The following KLHL15 variants were observed in gnomAD, a reference collection of about 807,000 sequenced individuals.
KLHL15 encodes the protein kelch like family member 15, also known as kelch-like protein 15.
In KLHL15, 1 loss-of-function variant was observed where a neutral mutation model predicts 29.3. That is an observed-to-expected ratio of 0.03 (90% CI 0.01 to 0.16). The LOEUF is 0.16. Ranked by LOEUF, KLHL15 falls within the 10% of genes least tolerant of loss-of-function variation. The pLI, the probability that KLHL15 is intolerant of heterozygous loss-of-function variation, is 1.00. For synonymous variants in KLHL15, 212 were observed against 184.5 expected (o/e 1.15, Z -1.21); for missense variants, 215 against 478.5 (o/e 0.45, Z 5.14).
intron 2 of KLHL15, among the ~76,000 whole-genome samples, chrX:24,008,240 A>G (rs1475766870): frequency 8.9e-6 from 1 of 112,031 alleles, no homozygotes; most frequent in Non-Finnish European, 1.9e-5. Context: ...GGAATAAACT[A>G]ATTCAGTCTA....
At chrX:24,024,707 T>G (rs1929884199) in intron 2 of KLHL15, 150 bp downstream of exon 2, 4 of 294,859 alleles carry the variant, frequency 1.4e-5, no homozygotes, top group Non-Finnish European at 2.4e-5. Flanking sequence ...TTTCAAACAA[T>G]TTAAGTAAAC....
intron 2 of KLHL15, 27 bp from the exon 3 acceptor site, chrX:24,006,727 T>A (rs1929451429): frequency 9.6e-7 from 1 of 1,043,858 alleles, no homozygotes; most frequent in African/African-American, 1.9e-5. Context: ...GACAACAATG[T>A]TAAACACTTC....
intron 3 of KLHL15, 65 bp downstream of exon 3, chrX:24,005,924 C>G: frequency 3.6e-6 from 3 of 824,661 alleles, no homozygotes; most frequent in Non-Finnish European, 5.2e-6. Flanking sequence ...TGAATCTTAT[C>G]TATAAAGACA....
rs779160455 is a variant in KLHL15, at chrX:23,997,399, C to T, written c.706-8369G>A. 1.7e-3 allele frequency among the ~76,000 whole-genome samples: 193 copies of T among 110,328 alleles called. 1 individual carries two copies. Among genetic ancestry groups the T allele is most frequent in the Non-Finnish European group, 3.2e-3 (167 of 52,768 alleles). On this transcript the variant is annotated intron_variant, in intron 3 of 3. Coordinates refer to ENST00000328046, the MANE Select transcript of KLHL15 (RefSeq NM_030624.3). ...GCAGCAGTGAGCTATGATGGTGCCA[C>T]TGCACTGCAGCCTGGGCAACAAGGC...
At chrX:23,996,771 C>T (rs1426491140) in intron 3 of KLHL15, among the ~76,000 whole-genome samples, 3 of 111,844 alleles carry the variant, frequency 2.7e-5, no homozygotes, top group Admixed American at 9.5e-5. Context: ...AAACTATGTA[C>T]CCTGGTATGA....
intron 2 of KLHL15, among the ~76,000 whole-genome samples, chrX:24,008,225 A>G (rs1929494355): frequency 8.9e-6 from 1 of 112,400 alleles, no homozygotes; most frequent in Non-Finnish European, 1.9e-5. Context: ...TATCTTAAAT[A>G]CAGCGGAATA....
intron 2 of KLHL15, among the ~76,000 whole-genome samples, chrX:24,008,399 C>T (rs1250003094): frequency 4.5e-5 from 5 of 111,195 alleles, no homozygotes; most frequent in Non-Finnish European, 7.5e-5. Flanking sequence ...TGCTACACGC[C>T]CAGCTAATTT....
intron 2 of KLHL15, among the ~76,000 whole-genome samples, chrX:24,023,351 G>C (rs1295204406): frequency 6.3e-5 from 7 of 111,764 alleles, no homozygotes; most frequent in African/African-American, 2.3e-4. Flanking sequence ...CTTTGAAGTA[G>C]GCTCTTCCTT....
chrX:24,015,032 C>A (rs1929647129), intron 2 of KLHL15, among the ~76,000 whole-genome samples: 1 of 111,951 alleles, frequency 8.9e-6, no homozygotes, highest in Non-Finnish European at 1.9e-5. Flanking sequence ...CTCGTTCTCC[C>A]AGTTGCTAAG....
chrX:24,024,440 T>C (rs778814973), intron 2 of KLHL15, among the ~76,000 whole-genome samples: 12 of 112,109 alleles, frequency 1.1e-4, no homozygotes, highest in South Asian at 3.6e-4. Context: ...GTACCGACTA[T>C]ATTTCATAGA....
intron 2 of KLHL15, among the ~76,000 whole-genome samples, chrX:24,015,083 C>T (rs1423800089): frequency 8.9e-6 from 1 of 112,094 alleles, no homozygotes; most frequent in African/African-American, 3.2e-5. Flanking sequence ...GAGAACCTTA[C>T]ATTCTTAGAA....
At chrX:24,001,802 CAAAAAAAAAA>C (rs766669649) in intron 3 of KLHL15, among the ~76,000 whole-genome samples, 27 of 22,672 alleles carry the variant, frequency 1.2e-3, no homozygotes, top group Non-Finnish European at 8.4e-4. Context: ...AGACTTGACT[CAAAAAAAAAA>C]AAAAAAAAAA....
intron 2 of KLHL15, among the ~76,000 whole-genome samples, chrX:24,009,389 T>TC (rs1304090617): frequency 9.0e-6 from 1 of 110,802 alleles, no homozygotes; most frequent in Non-Finnish European, 1.9e-5. Context: ...TCCCAGCTAC[T>TC]CGGGAGGCTG....
rs1049443973 is a variant in KLHL15 at position 24,018,185 on chromosome X, G to A, written c.-8+6672C>T. Among the ~76,000 whole-genome samples, 10 of 111,948 alleles carry A rather than the reference G, an allele frequency of 8.9e-5. No homozygotes were observed. In the East Asian group the frequency reaches 2.5e-3, roughly 28 times the overall value. ...GAACTACTTTGCAATGGCAGAGACA[G>A]CCGCGGCAGCAGTAGCGTGCTCAAC... On this transcript the variant is annotated intron_variant, in intron 2 of 3. Coordinates refer to ENST00000328046, the MANE Select transcript of KLHL15 (RefSeq NM_030624.3).
At chrX:24,001,969 T>TA (rs1929332653) in intron 3 of KLHL15, among the ~76,000 whole-genome samples, 1 of 104,997 alleles carries the variant, frequency 9.5e-6, no homozygotes, top group South Asian at 4.2e-4. Context: ...CCGTCTCTAC[T>TA]AAAAATACAA....
intron 2 of KLHL15, among the ~76,000 whole-genome samples, chrX:24,016,128 C>A (rs889192212): frequency 9.2e-6 from 1 of 108,246 alleles, no homozygotes; most frequent in African/African-American, 3.4e-5. Context: ...GCGGGCAGAT[C>A]ATGAGGTCAG....
rs188233005 is a variant in KLHL15 at position 24,009,905 on chromosome X, G to A, written c.-7-3205C>T. Among the ~76,000 whole-genome samples, 386 of 97,769 alleles carry A rather than the reference G, an allele frequency of 3.9e-3. 2 individuals carry two copies. Among genetic ancestry groups the A allele is most frequent in the African/African-American group, 0.014 (369 of 26,049 alleles). The allele number at this position is 97,769 out of a possible 115,157, so 84.9% of individuals were successfully genotyped here. On this transcript the variant is annotated intron_variant, in intron 2 of 3. Transcript: ENST00000328046. Reference sequence around the variant, plus strand: ...CTTGGGAGGCTGAGGCAGGAGAATCGCTGGAACCTGGGAGACGGAGGCTGC... The same window carrying A: ...CTTGGGAGGCTGAGGCAGGAGAATCACTGGAACCTGGGAGACGGAGGCTGC...
At chrX:23,996,793 T>C (rs187600089) in intron 3 of KLHL15, among the ~76,000 whole-genome samples, 10 of 112,281 alleles carry the variant, frequency 8.9e-5, no homozygotes, top group African/African-American at 2.9e-4. Context: ...AAGTCTTTAT[T>C]TGTAAAATCT....
rs760556757 is a variant in KLHL15, at chrX:24,006,324, G to A, written c.370C>T (p.Leu124Phe). 8.3e-7 allele frequency: 1 copy of A among 1,211,629 alleles called. No homozygotes were observed. Among genetic ancestry groups the A allele is most frequent in the East Asian group, 3.0e-5 (1 of 33,873 alleles). The change falls in exon 3 of 4, where the codon CTC becomes TTC. Residue 124 changes from leucine to phenylalanine, a missense_variant. Physicochemically the swap from Leu to Phe is conservative, Grantham distance 22. Transcript: ENST00000328046. Reference sequence around the variant, plus strand: ...TTTTCTAGGCAGATCTTCGCTAAGAGAAAAGAGCAGCAGAACTTCACCACT... The same window carrying A: ...TTTTCTAGGCAGATCTTCGCTAAGAAAAAAGAGCAGCAGAACTTCACCACT... Reference protein sequence around the residue: ...IEVVKFCCSFLLAKICLENCA... With the variant: ...IEVVKFCCSFFLAKICLENCA...
Sources: gnomAD v4.1 joint callset for allele counts (sites outside exome capture counted in the v4.1 genomes callset) on GRCh38, gnomAD v4.1.1 for gene constraint, MANE v1.5 for transcripts, NCBI Gene and HGNC (gene_info 2026-07-23, HGNC 2026-07-21) for gene names.